CBLB: variants seen among roughly 807,000 people sequenced by gnomAD.
The protein encoded by CBLB is Cbl proto-oncogene B.
In CBLB, 31 loss-of-function variants were observed where a neutral mutation model predicts 104.9. The observed-to-expected ratio is 0.30, with a 90% CI of 0.22 to 0.40. The LOEUF (loss-of-function observed/expected upper bound fraction) is 0.40, where lower values mean the gene tolerates loss of function less well. Ranked by LOEUF, CBLB falls within the 10% of genes least tolerant of loss-of-function variation. The probability of loss-of-function intolerance (pLI) is 1.00; values close to 1 mark genes in which losing one functional copy is unlikely to be tolerated. For synonymous variants in CBLB, 440 were observed against 422.6 expected, an observed-to-expected ratio of 1.04 and a Z score of -0.51; for missense variants, 1,062 against 1,214.6, an observed-to-expected ratio of 0.87 and a Z score of 1.87.
chr3:105,778,135 GTGTA>G (rs1183733383), intron 3 of CBLB, among the ~76,000 whole-genome samples: 3 of 152,086 alleles, frequency 2.0e-5, no homozygotes, highest in African/African-American at 7.2e-5. Context: ...GTGCATGTGT[GTGTA>G]TGTGTGTGTG....
At chr3:105,671,715 A>G (rs544082530) in intron 17 of CBLB, 1 of 203,060 alleles carries the variant, frequency 4.9e-6, no homozygotes, top group African/African-American at 2.3e-5. Flanking sequence ...ATTTGAAGCC[A>G]TTATCTTTTC....
At chr3:105,751,038 T>C (rs16851563) in intron 5 of CBLB, among the ~76,000 whole-genome samples, 20,574 of 152,232 alleles carry the variant, frequency 0.14, 1,655 homozygotes, top group East Asian at 0.41. Context: ...CTAAGTTTAC[T>C]ATTTCCCTTT....
chr3:105,758,553 G>A (rs1199056487), intron 4 of CBLB, among the ~76,000 whole-genome samples: 2 of 152,172 alleles, frequency 1.3e-5, no homozygotes, highest in African/African-American at 2.4e-5. Context: ...CAACCTGGCG[G>A]GCCACGCTCA....
chr3:105,833,830 T>A (rs559034421), intron 3 of CBLB, among the ~76,000 whole-genome samples: 6 of 152,016 alleles, frequency 3.9e-5, no homozygotes, highest in African/African-American at 9.7e-5. Flanking sequence ...AAGTTTCCTC[T>A]GAGACATTTA....
chr3:105,721,128 T>A (rs547830569), intron 9 of CBLB, among the ~76,000 whole-genome samples: 54 of 152,344 alleles, frequency 3.5e-4, no homozygotes, highest in Admixed American at 1.3e-3. Flanking sequence ...TTTTGCATTA[T>A]ACCCTGACTT....
chr3:105,670,641 C>T (rs2064972485), intron 17 of CBLB: 1 of 363,360 alleles, frequency 2.8e-6, no homozygotes, highest in African/African-American at 2.1e-5. Context: ...AAAACAGCTT[C>T]TAAATTTTAT....
chr3:105,681,618 A>C lies in CBLB; in HGVS notation c.2297-8T>G. On this transcript the variant is annotated splice_polypyrimidine_tract_variant and splice_region_variant and intron_variant, in intron 15 of 18. Transcript: ENST00000394030. ...CTGAATCAAAAACATCTCCTAGAGG[A>C]TAACACAAAACCTTAATGTATTTTC... 1.2e-6 allele frequency: 2 copies of C among 1,614,158 alleles called. No homozygotes were observed. The highest frequency in any genetic ancestry group is 2.2e-5 in the South Asian group (2 of 91,084).
intron 2 of CBLB, among the ~76,000 whole-genome samples, chr3:105,864,491 G>GT (rs1465655467): frequency 1.3e-5 from 2 of 152,194 alleles, no homozygotes; most frequent in Non-Finnish European, 1.5e-5. Context: ...ATCCACTGAT[G>GT]TGAGGGCTTC....
At chr3:105,770,394 A>G (rs2078730760) in intron 4 of CBLB, among the ~76,000 whole-genome samples, 1 of 152,188 alleles carries the variant, frequency 6.6e-6, no homozygotes, top group Non-Finnish European at 1.5e-5. Context: ...CAATAGCTGG[A>G]ACAGATTTAG....
chr3:105,733,226 G>A (rs748039048), intron 9 of CBLB, among the ~76,000 whole-genome samples: 14 of 151,934 alleles, frequency 9.2e-5, no homozygotes, highest in East Asian at 1.9e-4. Context: ...GCACGGTGGC[G>A]GGCACCTGTA....
At chr3:105,773,614 C>T (rs1487078051) in intron 4 of CBLB, among the ~76,000 whole-genome samples, 1 of 152,000 alleles carries the variant, frequency 6.6e-6, no homozygotes, top group Admixed American at 6.6e-5. Context: ...TTTTTTAACG[C>T]TAGTAATATA....
intron 13 of CBLB, among the ~76,000 whole-genome samples, chr3:105,690,612 A>G (rs2067560191): frequency 6.6e-6 from 1 of 152,158 alleles, no homozygotes; most frequent in South Asian, 2.1e-4. Context: ...TCACAAGGTC[A>G]GGAGTTCGAG....
intron 3 of CBLB, among the ~76,000 whole-genome samples, chr3:105,808,258 A>G (rs2083783341): frequency 6.6e-6 from 1 of 152,216 alleles, no homozygotes; most frequent in Non-Finnish European, 1.5e-5. Context: ...TACAAACTTT[A>G]AAGAAGAAAA....
intron 4 of CBLB, among the ~76,000 whole-genome samples, chr3:105,759,343 T>A (rs1340538243): frequency 2.0e-5 from 3 of 152,154 alleles, no homozygotes; most frequent in Non-Finnish European, 4.4e-5. Context: ...CACTGTGAAC[T>A]CCACCAGGAA....
intron 5 of CBLB, among the ~76,000 whole-genome samples, chr3:105,749,958 T>C (rs1576856412): frequency 1.3e-5 from 2 of 152,244 alleles, no homozygotes; most frequent in East Asian, 1.9e-4. Context: ...TGTAATTGCT[T>C]ACCCTATATA....
At chr3:105,790,087 A>G (rs1005620850) in intron 3 of CBLB, among the ~76,000 whole-genome samples, 1 of 152,246 alleles carries the variant, frequency 6.6e-6, no homozygotes, top group Admixed American at 6.5e-5. Flanking sequence ...GGTAAGCACC[A>G]GAATCAACCA....
chr3:105,659,160 C>G lies in CBLB; in HGVS notation c.2759G>C (p.Arg920Thr). 1 of 1,613,960 alleles carries G rather than the reference C, an allele frequency of 6.2e-7. No individual in the cohort carries two copies. Among genetic ancestry groups the G allele is most frequent in the Non-Finnish European group, 8.5e-7 (1 of 1,179,922 alleles). The change falls in exon 19 of 19, where the codon AGA (arginine) becomes ACA (threonine). Residue 920 changes from arginine to threonine, a missense_variant. This residue lies in a region of CBLB where 605 missense variants were observed against 582.6 expected (regional missense o/e 1.04). Transcript: ENST00000394030. ...TGCCGCCTCAGGCCCATGGGGTTTTCTGTGGTGAATTTCTGGTGCAGTCCT... is the reference window on the plus strand; with the variant it reads ...TGCCGCCTCAGGCCCATGGGGTTTTGTGTGGTGAATTTCTGGTGCAGTCCT... The part of the protein sequence containing the change: ...PRRTAPEIHH[R>T]KPHGPEAALE...
intron 18 of CBLB, among the ~76,000 whole-genome samples, chr3:105,662,794 GC>G (rs1280968219): frequency 6.6e-6 from 1 of 152,214 alleles, no homozygotes; most frequent in Admixed American, 6.5e-5. Flanking sequence ...GATTTGAGAA[GC>G]CCTGGTTTAG....
chr3:105,670,309 A>G lies in CBLB; in HGVS notation c.2613T>C (p.Pro871=), dbSNP rs11713094. ...CATTTTCACCTGGTAACCTTCTAGC[A>G]GGAGGCAAAGGAACTTGGCCACTTG... ...DLASGQVPLP[P]ARRLPGENVK... Residue 871 remains proline (P), a synonymous_variant, in exon 18 of 19, where the codon CCT becomes CCC. Transcript: ENST00000394030. 346,503 of 1,609,800 alleles carry G rather than the reference A, an allele frequency of 0.22. 38,491 individuals carry two copies. The highest frequency in any genetic ancestry group is 0.3 in the Admixed American group (17,995 of 59,926).
Sources: allele counts gnomAD v4.1 joint callset (sites outside exome capture counted in the v4.1 genomes callset), GRCh38; gene constraint gnomAD v4.1.1; regional missense constraint gnomAD v4.1.1; transcripts MANE v1.5; gene names NCBI Gene and HGNC (gene_info 2026-07-23, HGNC 2026-07-21).